DOCK2: variants seen among roughly 807,000 people sequenced by gnomAD.
DOCK2 encodes dedicator of cytokinesis 2, also known as dedicator of cytokinesis protein 2.
A neutral mutation model predicts 248.9 loss-of-function variants in DOCK2; 87 were observed. That is an observed-to-expected ratio of 0.35 (90% CI 0.29 to 0.42). DOCK2 has a LOEUF of 0.42. Ranked by LOEUF, DOCK2 falls within the 10% of genes least tolerant of loss-of-function variation. DOCK2 has a pLI of 1.00. For missense variants in DOCK2, 1,747 were observed against 2,300.2 expected, an observed-to-expected ratio of 0.76 and a Z score of 4.92; for synonymous variants, 805 against 821.6, an observed-to-expected ratio of 0.98 and a Z score of 0.35.
intron 33 of DOCK2, among the ~76,000 whole-genome samples, chr5:170,019,353 A>G (rs1755644404): frequency 6.6e-6 from 1 of 152,206 alleles, no homozygotes; most frequent in Non-Finnish European, 1.5e-5. Context: ...CTCTTTCTCA[A>G]GAATCTAAGA....
chr5:169,865,758 A>G (rs1293673528), intron 27 of DOCK2, among the ~76,000 whole-genome samples: 1 of 152,204 alleles, frequency 6.6e-6, no homozygotes, highest in Non-Finnish European at 1.5e-5. Flanking sequence ...AGGAAAATGA[A>G]ATGTTGCATC....
intron 41 of DOCK2, among the ~76,000 whole-genome samples, chr5:170,054,161 G>GAA: frequency 6.6e-6 from 1 of 152,296 alleles, no homozygotes; most frequent in South Asian, 2.1e-4. Context: ...AGATAATGAT[G>GAA]AAAAAATGGG....
At chr5:169,711,894 T>A in intron 15 of DOCK2, 41 bp from the exon 16 acceptor site, 1 of 1,611,640 alleles carries the variant, frequency 6.2e-7, no homozygotes, top group Non-Finnish European at 8.5e-7. Context: ...GGGAGGGCCC[T>A]TTAACTCATT....
At chr5:169,709,771 C>G (rs58200240) in intron 15 of DOCK2, among the ~76,000 whole-genome samples, 1 of 152,030 alleles carries the variant, frequency 6.6e-6, no homozygotes, top group Admixed American at 6.6e-5. Flanking sequence ...ATTTCCTGGT[C>G]AAATGTGAGA....
chr5:169,695,769 C>T (rs1387068910), intron 9 of DOCK2, 34 bp from the exon 10 acceptor site: 4 of 1,612,342 alleles, frequency 2.5e-6, no homozygotes, highest in East Asian at 4.5e-5. Context: ...CCATTCAGCA[C>T]ATGATGGTCA....
chr5:169,889,376 A>G (rs1402185462), intron 27 of DOCK2, among the ~76,000 whole-genome samples: 1 of 152,192 alleles, frequency 6.6e-6, no homozygotes, highest in Non-Finnish European at 1.5e-5. Context: ...TGAGGTGGGC[A>G]CTGTAATAAA....
chr5:170,049,067 C>T (rs779408867), intron 40 of DOCK2, among the ~76,000 whole-genome samples: 6 of 152,152 alleles, frequency 3.9e-5, no homozygotes, highest in East Asian at 1.9e-4. Context: ...CCTGGCTGTA[C>T]GTCAGAATCC....
At chr5:169,790,375 A>C (rs1766258354) in intron 25 of DOCK2, among the ~76,000 whole-genome samples, 1 of 152,208 alleles carries the variant, frequency 6.6e-6, no homozygotes, top group South Asian at 2.1e-4. Flanking sequence ...TCTAAGTTGC[A>C]AACAGAAATT....
At chr5:169,668,575 T>G (rs980058987) in intron 2 of DOCK2, among the ~76,000 whole-genome samples, 1 of 152,178 alleles carries the variant, frequency 6.6e-6, no homozygotes, top group Admixed American at 6.5e-5. Flanking sequence ...TCCTTGGCTG[T>G]GTTGGAATCA....
chr5:169,945,740 T>C (rs1392866536), intron 27 of DOCK2, among the ~76,000 whole-genome samples: 1 of 152,170 alleles, frequency 6.6e-6, no homozygotes, highest in Non-Finnish European at 1.5e-5. Flanking sequence ...GCAGAACACT[T>C]GCCTCTGGTT....
intron 23 of DOCK2, among the ~76,000 whole-genome samples, chr5:169,748,371 G>T (rs1763724463): frequency 6.6e-6 from 1 of 152,098 alleles, no homozygotes. Context: ...ATTGTGTGGG[G>T]ATCTTTAATA....
At chr5:169,850,781 C>G (rs1454172468) in intron 27 of DOCK2, among the ~76,000 whole-genome samples, 3 of 152,184 alleles carry the variant, frequency 2.0e-5, no homozygotes, top group Non-Finnish European at 4.4e-5. Flanking sequence ...GGACCTGTAG[C>G]ATGTCTGGAC....
At chr5:169,824,659 C>T (rs982461207) in intron 26 of DOCK2, among the ~76,000 whole-genome samples, 6 of 152,152 alleles carry the variant, frequency 3.9e-5, no homozygotes, top group South Asian at 2.1e-4. Flanking sequence ...AGACCTAAAA[C>T]CATAAAAACC....
intron 25 of DOCK2, among the ~76,000 whole-genome samples, chr5:169,783,405 AGTCAT>A: frequency 6.6e-6 from 1 of 152,298 alleles, no homozygotes; most frequent in East Asian, 1.9e-4. Flanking sequence ...ACTTTGGAAA[AGTCAT>A]GTCAGTTTTT....
intron 23 of DOCK2, 134 bp downstream of exon 23, chr5:169,747,638 A>C: frequency 1.5e-6 from 1 of 663,012 alleles, no homozygotes; most frequent in Non-Finnish European, 2.4e-6. Flanking sequence ...CACTAGGTTA[A>C]AGACCAAGGG....
chr5:169,789,961 T>G (rs1011337464), intron 25 of DOCK2, among the ~76,000 whole-genome samples: 2 of 152,238 alleles, frequency 1.3e-5, no homozygotes, highest in African/African-American at 4.8e-5. Flanking sequence ...ACTTCTTGGT[T>G]TTCCTTTTGT....
At chr5:170,028,293 G>A (rs1044663517) in intron 34 of DOCK2, among the ~76,000 whole-genome samples, 4 of 152,132 alleles carry the variant, frequency 2.6e-5, no homozygotes, top group South Asian at 2.1e-4. Context: ...CATGCCCTAC[G>A]TTTACTGAGC....
chr5:169,686,500 G>A (rs982783490), intron 8 of DOCK2, among the ~76,000 whole-genome samples: 6 of 152,164 alleles, frequency 3.9e-5, no homozygotes, highest in African/African-American at 1.4e-4. Context: ...AGGACAAAGG[G>A]GGCAGAAACC....
At chr5:170,075,700 G>C (rs930166496) in intron 46 of DOCK2, 1 of 441,098 alleles carries the variant, frequency 2.3e-6, no homozygotes, top group African/African-American at 2.0e-5. Context: ...TGGGGAAGAG[G>C]GGAGTCCAGC....
Sources: gnomAD v4.1 joint callset for allele counts (sites outside exome capture counted in the v4.1 genomes callset) on GRCh38, gnomAD v4.1.1 for gene constraint, MANE v1.5 for transcripts, NCBI Gene and HGNC (gene_info 2026-07-23, HGNC 2026-07-21) for gene names.